CAST: variants seen among roughly 807,000 people sequenced by gnomAD.
CAST encodes calpastatin.
In CAST, 76 loss-of-function variants were observed where a neutral mutation model predicts 119.6. The observed-to-expected ratio is 0.64, with a 90% confidence interval of 0.53 to 0.77. CAST has a LOEUF of 0.77. CAST is among the 30% of genes least tolerant of loss of function. CAST has a pLI of 0.00. For missense variants in CAST, 953 were observed against 946.5 expected, an observed-to-expected ratio of 1.01 and a Z score of -0.09; for synonymous variants, 319 against 331.6, an observed-to-expected ratio of 0.96 and a Z score of 0.41.
At chr5:96,398,992 C>G in the CAST span, 3 of 1,612,648 alleles carry the variant, frequency 1.9e-6, no homozygotes, top group South Asian at 1.1e-5. Flanking sequence ...TTCACAAGCT[C>G]TTGTTGGAAT....
chr5:96,226,914 G>T, the CAST span, among the ~76,000 whole-genome samples: 1,639 of 152,244 alleles, frequency 0.011, 13 homozygotes, highest in Non-Finnish European at 0.017. Flanking sequence ...AAGCACTTTT[G>T]CATGGTAGTT....
chr5:96,369,131 T>C, the CAST span, among the ~76,000 whole-genome samples: 1 of 151,690 alleles, frequency 6.6e-6, no homozygotes. Flanking sequence ...ATTGCGTTTT[T>C]ATCTATATAT....
chr5:96,702,663 C>T (rs1196937288), intron 3 of CAST: 1 of 549,162 alleles, frequency 1.8e-6, no homozygotes, highest in Non-Finnish European at 2.3e-6. Flanking sequence ...GTGAGCCAGT[C>T]TCCAGATGCC....
At chr5:96,433,612 G>T in the CAST span, among the ~76,000 whole-genome samples, 81 of 152,228 alleles carry the variant, frequency 5.3e-4, no homozygotes, top group Middle Eastern at 6.8e-3. Flanking sequence ...GGGGAGGGGG[G>T]GAGGCTATAG....
the CAST span, among the ~76,000 whole-genome samples, chr5:96,198,954 G>C: frequency 6.6e-6 from 1 of 152,094 alleles, no homozygotes; most frequent in Non-Finnish European, 1.5e-5. Context: ...AGTAAGCTCT[G>C]AGCATCATGT....
the CAST span, among the ~76,000 whole-genome samples, chr5:96,441,610 A>C: frequency 6.6e-6 from 1 of 152,282 alleles, no homozygotes; most frequent in East Asian, 1.9e-4. Flanking sequence ...AAACACATTT[A>C]TTGAAAGTGG....
At chr5:96,309,825 G>C in the CAST span, among the ~76,000 whole-genome samples, 1 of 152,344 alleles carries the variant, frequency 6.6e-6, no homozygotes, top group African/African-American at 2.4e-5. Context: ...GGGTACCTCA[G>C]TTTGAAATGC....
chr5:95,992,347 T>G, the CAST span, among the ~76,000 whole-genome samples: 2 of 151,938 alleles, frequency 1.3e-5, no homozygotes, highest in Non-Finnish European at 1.5e-5. Flanking sequence ...TTATCAGTGA[T>G]GTTATGTGGA....
intron 7 of CAST, 65 bp downstream of exon 7, chr5:96,729,274 TTTCA>T: frequency 1.1e-6 from 1 of 911,712 alleles, no homozygotes; most frequent in Non-Finnish European, 1.8e-6. Flanking sequence ...AATTAAAATC[TTTCA>T]TTAATTCAAA....
the CAST span, among the ~76,000 whole-genome samples, chr5:96,346,972 G>T: frequency 6.6e-6 from 1 of 152,112 alleles, no homozygotes. Context: ...AGGTAGAAAA[G>T]GAATTATTTG....
intron 1 of CAST, among the ~76,000 whole-genome samples, chr5:96,628,079 T>C (rs539672401): frequency 1.3e-5 from 2 of 152,372 alleles, no homozygotes; most frequent in Admixed American, 1.3e-4. Flanking sequence ...CTTTTAAATA[T>C]TGTTTGTTAA....
chr5:96,504,599 T>C, the CAST span, among the ~76,000 whole-genome samples: 1 of 152,128 alleles, frequency 6.6e-6, no homozygotes, highest in South Asian at 2.1e-4. Context: ...AACGTATTCC[T>C]CTTCCCCCTT....
chr5:96,770,163 T>A (rs1771742693), intron 29 of CAST: 1 of 222,798 alleles, frequency 4.5e-6, no homozygotes, highest in Admixed American at 4.9e-5. Flanking sequence ...TCATAGCCCA[T>A]ACCAATCTAC....
At chr5:96,214,311 T>C in the CAST span, among the ~76,000 whole-genome samples, 2 of 152,296 alleles carry the variant, frequency 1.3e-5, no homozygotes, top group East Asian at 3.9e-4. Context: ...GTGAAGTTAC[T>C]TACCAGCAAC....
chr5:96,365,112 G>T, the CAST span, among the ~76,000 whole-genome samples: 2 of 152,190 alleles, frequency 1.3e-5, no homozygotes, highest in Admixed American at 6.5e-5. Context: ...AGGTTGTTCA[G>T]TTTCCATGTA....
At chr5:96,429,954 C>T in the CAST span, among the ~76,000 whole-genome samples, 1 of 152,174 alleles carries the variant, frequency 6.6e-6, no homozygotes, top group Non-Finnish European at 1.5e-5. Context: ...TCAAATATAT[C>T]TGTTCAAAGA....
chr5:96,248,597 C>T, the CAST span, among the ~76,000 whole-genome samples: 1 of 152,016 alleles, frequency 6.6e-6, no homozygotes, highest in African/African-American at 2.4e-5. Flanking sequence ...AAAAGATGCT[C>T]GATAATTAAT....
the CAST span, among the ~76,000 whole-genome samples, chr5:96,035,519 C>T: frequency 6.6e-6 from 1 of 151,538 alleles, no homozygotes; most frequent in Non-Finnish European, 1.5e-5. Context: ...GTATTTTTAA[C>T]AAGGAATCCT....
the CAST span, among the ~76,000 whole-genome samples, chr5:96,326,345 C>T: frequency 3.3e-5 from 5 of 152,164 alleles, no homozygotes; most frequent in African/African-American, 9.7e-5. Context: ...TCTCTACTAC[C>T]CTTACTCTCA....
Sources: gnomAD v4.1 joint callset for allele counts (sites outside exome capture counted in the v4.1 genomes callset) on GRCh38, gnomAD v4.1.1 for gene constraint, MANE v1.5 for transcripts, NCBI Gene and HGNC (gene_info 2026-07-23, HGNC 2026-07-21) for gene names.